The following TTC39A variants were observed in gnomAD, a reference collection of about 807,000 sequenced individuals.
TTC39A encodes tetratricopeptide repeat domain 39A.
Under a neutral mutation model 82.3 loss-of-function variants are expected in TTC39A, and 46 were observed. That is an observed-to-expected ratio of 0.56 (90% CI 0.44 to 0.71). The LOEUF (loss-of-function observed/expected upper bound fraction) is 0.71, where lower values mean the gene tolerates loss of function less well. Ranked by LOEUF, TTC39A falls within the 30% of genes least tolerant of loss-of-function variation. TTC39A has a pLI of 0.00. For missense variants in TTC39A, 543 were observed against 712.9 expected (o/e 0.76, Z 2.71); for synonymous variants, 254 against 275.2 (o/e 0.92, Z 0.76).
intron 2 of TTC39A, 83 bp from the exon 3 acceptor site, chr1:51,313,026 C>T: frequency 6.5e-7 from 1 of 1,547,386 alleles, no homozygotes; most frequent in Non-Finnish European, 8.8e-7. Context: ...CTCCACCCTC[C>T]TCCATTCTGC....
In TTC39A at chr1:51,308,242, C is replaced by T. The variant is rs530398568; in HGVS notation, c.488+1019G>A. On this transcript the variant is annotated intron_variant, in intron 6 of 17. Coordinates refer to ENST00000680483, the MANE Select transcript of TTC39A (RefSeq NM_001297663.2). ...CTCTATAAACCTCTTGCCGCCACCC[C>T]CCCTTTTTTTTTTTTGAGATGACGT... Among the ~76,000 whole-genome samples, 3 of 151,940 alleles carry T rather than the reference C, an allele frequency of 2.0e-5. No individual in the cohort carries two copies. The South Asian group carries it at 6.3e-4, about 32-fold the overall frequency.
chr1:51,318,671 G>A (rs1645384858), intron 2 of TTC39A, among the ~76,000 whole-genome samples: 1 of 152,160 alleles, frequency 6.6e-6, no homozygotes, highest in Non-Finnish European at 1.5e-5. Flanking sequence ...GAAAAGAAGG[G>A]GACTACGGAG....
upstream of TTC39A, among the ~76,000 whole-genome samples, chr1:51,334,548 C>T (rs937408076): frequency 1.3e-5 from 2 of 151,658 alleles, no homozygotes; most frequent in East Asian, 1.9e-4. Flanking sequence ...CCAGCTACTC[C>T]AGAGTCTGAG....
chr1:51,342,672 G>A lies in TTC39A; in HGVS notation c.53+2319C>T, dbSNP rs546643798. On this transcript the variant is annotated intron_variant, in intron 1 of 5. Coordinates refer to the TTC39A transcript ENST00000401051. ...GGAGACCCAGGTTTGAGCCTTGGGT[G>A]TGAGACCTTGTGTGGTCAACTGGGA... Among the ~76,000 whole-genome samples the A allele has an allele frequency of 5.9e-5, 9 of 152,334 alleles. No homozygotes were observed. The South Asian group carries it at 1.9e-3, about 32-fold the overall frequency.
chr1:51,337,406 C>T (rs1645988105), intron 1 of TTC39A, among the ~76,000 whole-genome samples: 1 of 151,776 alleles, frequency 6.6e-6, no homozygotes, highest in African/African-American at 2.4e-5. Flanking sequence ...GTGAGGCCTT[C>T]CCTGACTATT....
upstream of TTC39A, chr1:51,331,304 G>C: frequency 6.5e-7 from 1 of 1,540,900 alleles, no homozygotes; most frequent in Non-Finnish European, 8.7e-7. Context: ...ACTGTGCACC[G>C]AGCCCTGAGG....
At chr1:51,304,772 G>C (rs574244123) in intron 8 of TTC39A, among the ~76,000 whole-genome samples, 3 of 152,324 alleles carry the variant, frequency 2.0e-5, no homozygotes, top group African/African-American at 7.2e-5. Context: ...AGGGAGAGAG[G>C]GACCAGCCCC....
intron 12 of TTC39A, chr1:51,299,002 GA>G: frequency 6.6e-6 from 1 of 152,230 alleles, no homozygotes; most frequent in Non-Finnish European, 1.5e-5. Context: ...AGGGTGGTGA[GA>G]AAAATTACAG....
At chr1:51,291,257 G>A (rs911047958) in intron 14 of TTC39A, among the ~76,000 whole-genome samples, 1 of 151,054 alleles carries the variant, frequency 6.6e-6, no homozygotes, top group East Asian at 2.0e-4. Context: ...TTGGGAGGCC[G>A]AGATGAGTGG....
chr1:51,313,282 C>T (rs562381434), intron 2 of TTC39A, among the ~76,000 whole-genome samples: 1 of 152,196 alleles, frequency 6.6e-6, no homozygotes, highest in African/African-American at 2.4e-5. Context: ...CCCTTCCCTG[C>T]ACCCAGTGCC....
At chr1:51,341,223 C>G (rs965283038) in intron 1 of TTC39A, among the ~76,000 whole-genome samples, 7 of 135,042 alleles carry the variant, frequency 5.2e-5, no homozygotes, top group Non-Finnish European at 1.1e-4. Context: ...ACAAAACCAG[C>G]TTATGTGGCC....
intron 12 of TTC39A, chr1:51,300,022 A>T (rs1312995663): frequency 6.6e-6 from 1 of 152,222 alleles, no homozygotes; most frequent in Admixed American, 6.5e-5. Context: ...CTGAGGAAGC[A>T]CCTTCAACAG....
Position 51,294,372 on chromosome 1 carries a change from G to C in TTC39A, c.1266+19C>G. On this transcript the variant is annotated intron_variant, in intron 14 of 17. Coordinates refer to ENST00000680483, the MANE Select transcript of TTC39A (RefSeq NM_001297663.2). The surrounding 1 kb of genome is among the most constrained non-coding windows in gnomAD (Gnocchi z 4.3). ...ATCCTATACCCGGAGGGCAGCGCCAGTCCAGACCTCCTACCCACCAGAGCA... is the reference window on the plus strand; with the variant it reads ...ATCCTATACCCGGAGGGCAGCGCCACTCCAGACCTCCTACCCACCAGAGCA... The C allele has an allele frequency of 3.7e-6, 6 of 1,613,930 alleles. No individual in the cohort carries two copies. The highest frequency in any genetic ancestry group is 5.1e-6 in the Non-Finnish European group (6 of 1,179,886).
At chr1:51,324,988 C>T (rs888428534) in intron 1 of TTC39A, among the ~76,000 whole-genome samples, 3 of 152,030 alleles carry the variant, frequency 2.0e-5, no homozygotes, top group African/African-American at 7.2e-5. Flanking sequence ...GGCATGGTGG[C>T]TCATGCCTGT....
chr1:51,313,825 A>G (rs1467132480), intron 2 of TTC39A, among the ~76,000 whole-genome samples: 2 of 152,212 alleles, frequency 1.3e-5, no homozygotes, highest in Non-Finnish European at 2.9e-5. Context: ...ATAGTGAGAC[A>G]CTGTCTCTAA....
intron 14 of TTC39A, among the ~76,000 whole-genome samples, chr1:51,293,545 T>C (rs1464525203): frequency 6.6e-6 from 1 of 152,208 alleles, no homozygotes; most frequent in African/African-American, 2.4e-5. Flanking sequence ...TATACCCATT[T>C]TACATAAGGG....
upstream of TTC39A, chr1:51,330,869 CA>C: frequency 1.8e-6 from 1 of 566,508 alleles, no homozygotes; most frequent in East Asian, 3.0e-5. This position sits in a 1 kb window ranked among gnomAD's most constrained non-coding sequence, Gnocchi z 4.5. Flanking sequence ...CTCCTCCCCA[CA>C]GCTTCCGCCC....
chr1:51,301,741 C>T lies in TTC39A; in HGVS notation c.892-8G>A, dbSNP rs1644665711. On this transcript the variant is annotated splice_region_variant and splice_polypyrimidine_tract_variant and intron_variant, in intron 11 of 17. Coordinates refer to ENST00000680483, the MANE Select transcript of TTC39A (RefSeq NM_001297663.2). ...CTCGAAACGCCGGATGGCCTGCAGG[C>T]ACCTTCTGGTCAGCCTGACGGGTGC... is the stretch of plus-strand genomic sequence containing the variant. 1 of 1,600,452 alleles carries T rather than the reference C, an allele frequency of 6.2e-7. No individual in the cohort carries two copies. The highest frequency in any genetic ancestry group is 8.5e-7 in the Non-Finnish European group (1 of 1,171,314).
At position 51,321,152 on chromosome 1, in the gene TTC39A, GC is replaced by G. The variant is rs1429053990; in HGVS notation, c.146+568del. ...GCCTCCCAAAGTGCTGGGATTACAA[GC>G]GTGAGCCACCACGCCCAGCCCAATA... On this transcript the variant is annotated intron_variant, in intron 2 of 17. Coordinates refer to ENST00000680483, the MANE Select transcript of TTC39A (RefSeq NM_001297663.2). This position sits in a 1 kb window ranked among gnomAD's most constrained non-coding sequence, Gnocchi z 4.6. Among the ~76,000 whole-genome samples, 9 of 151,924 alleles carry G rather than the reference GC, an allele frequency of 5.9e-5. No individual in the cohort carries two copies. The highest frequency in any genetic ancestry group is 1.3e-4 in the Non-Finnish European group (9 of 67,984).
Sources: allele counts gnomAD v4.1 joint callset (sites outside exome capture counted in the v4.1 genomes callset), GRCh38; gene constraint gnomAD v4.1.1; non-coding constraint Gnocchi (gnomAD v3.1); transcripts MANE v1.5; gene names NCBI Gene and HGNC (gene_info 2026-07-23, HGNC 2026-07-21).